Variants in EVC observed in about 807,000 individuals in gnomAD.
The protein encoded by EVC is evC complex member EVC.
EVC carries 116 observed loss-of-function variants against 118.9 expected under a neutral mutation model. The observed-to-expected ratio is 0.98, with a 90% CI of 0.84 to 1.14. The LOEUF is 1.14. EVC is among the 50% of genes most tolerant of loss of function. The probability of loss-of-function intolerance (pLI) is 0.00; values close to 1 mark genes in which losing one functional copy is unlikely to be tolerated. For missense variants in EVC, 1,401 were observed against 1,246.4 expected (o/e 1.12, Z -1.87); for synonymous variants, 619 against 534.7 (o/e 1.16, Z -2.18).
chr4:5,734,645 A>G (rs1727379618), intron 5 of EVC, among the ~76,000 whole-genome samples: 1 of 152,210 alleles, frequency 6.6e-6, no homozygotes, highest in Non-Finnish European at 1.5e-5. Flanking sequence ...CAACACAGCG[A>G]CATCCTGTCT....
At chr4:5,714,013 C>G (rs551585721) in intron 1 of EVC, among the ~76,000 whole-genome samples, 1 of 152,374 alleles carries the variant, frequency 6.6e-6, no homozygotes, top group African/African-American at 2.4e-5. Context: ...AGCCACTTGC[C>G]TCATCCTGCT....
intron 5 of EVC, among the ~76,000 whole-genome samples, chr4:5,736,964 G>T (rs368099178): frequency 1.3e-5 from 2 of 152,178 alleles, no homozygotes; most frequent in South Asian, 2.1e-4. Flanking sequence ...AGGAAGGCAG[G>T]TCTAAAGCTG....
At chr4:5,827,815 G>A in the EVC span, among the ~76,000 whole-genome samples, 1 of 152,148 alleles carries the variant, frequency 6.6e-6, no homozygotes, top group Non-Finnish European at 1.5e-5. Flanking sequence ...CCATGGGGAT[G>A]GGAGGGCCTG....
chr4:5,828,561 C>G, the EVC span: 7 of 1,614,098 alleles, frequency 4.3e-6, no homozygotes, highest in Admixed American at 8.3e-5. Context: ...GGCCCATGCC[C>G]TTGTTGACGT....
At chr4:5,717,054 A>T (rs1315351951) in intron 1 of EVC, among the ~76,000 whole-genome samples, 1 of 152,022 alleles carries the variant, frequency 6.6e-6, no homozygotes, top group African/African-American at 2.4e-5. Context: ...TTCTTTGATG[A>T]TTCTTTTCCT....
intron 12 of EVC, among the ~76,000 whole-genome samples, chr4:5,787,313 T>C (rs1257244014): frequency 6.6e-6 from 1 of 152,238 alleles, no homozygotes; most frequent in African/African-American, 2.4e-5. Flanking sequence ...AAAAGGACTT[T>C]GCAAATCTTT....
chr4:5,801,321 A>T (rs1214217845), intron 15 of EVC, among the ~76,000 whole-genome samples: 3 of 152,184 alleles, frequency 2.0e-5, no homozygotes, highest in Non-Finnish European at 4.4e-5. Flanking sequence ...TCAGGCCTGC[A>T]TTCCAGGTAG....
downstream of EVC, among the ~76,000 whole-genome samples, chr4:5,817,804 A>G (rs1211614124): frequency 6.6e-6 from 1 of 152,220 alleles, no homozygotes; most frequent in Non-Finnish European, 1.5e-5. Context: ...TCTCTTGTCC[A>G]CTGTCTATGA....
chr4:5,796,199 CA>C (rs1374363864), intron 13 of EVC, among the ~76,000 whole-genome samples: 1 of 151,826 alleles, frequency 6.6e-6, no homozygotes, highest in Non-Finnish European at 1.5e-5. Flanking sequence ...TTCGTCTTAT[CA>C]TTTAATTTCT....
intron 2 of EVC, among the ~76,000 whole-genome samples, chr4:5,723,971 A>C (rs1323498322): frequency 6.6e-6 from 1 of 152,216 alleles, no homozygotes; most frequent in Admixed American, 6.5e-5. Flanking sequence ...CCCTCAGGTC[A>C]GAGGGAGGCC....
the EVC span, chr4:5,824,833 G>T: frequency 5.1e-6 from 5 of 985,366 alleles, no homozygotes; most frequent in Non-Finnish European, 4.8e-6. Context: ...TTCTCAACGT[G>T]TGCGTGCCTG....
rs899057439 is a variant in EVC at position 5,789,631 on chromosome 4, C to A, written c.1777-3977C>A. On this transcript the variant is annotated intron_variant, in intron 12 of 20. Transcript: ENST00000264956. The surrounding 1 kb of genome is among the most constrained non-coding windows in gnomAD (Gnocchi z 4.3). ...AGTTTGAAACAAAGAGTAAAACTTA[C>A]TTGAGGCCACAAAATGACCTGGTAG... 6.6e-6 allele frequency among the ~76,000 whole-genome samples: 1 copy of A among 152,166 alleles called. No individual in the cohort carries two copies. The highest frequency in any genetic ancestry group is 2.4e-5 in the African/African-American group (1 of 41,446).
At chr4:5,824,466 C>T in the EVC span, 1 of 985,250 alleles carries the variant, frequency 1.0e-6, no homozygotes, top group Non-Finnish European at 1.2e-6. Context: ...ACCACACAAT[C>T]TGAATTCACA....
intron 11 of EVC, among the ~76,000 whole-genome samples, chr4:5,768,649 G>C (rs1367801580): frequency 6.6e-6 from 1 of 152,016 alleles, no homozygotes; most frequent in Non-Finnish European, 1.5e-5. Flanking sequence ...TTGAGGTCAA[G>C]AGTTCAAGAC....
chr4:5,719,491 T>C lies in EVC; in HGVS notation c.300+118T>C. 1 of 1,462,640 alleles carries C rather than the reference T, an allele frequency of 6.8e-7. No individual in the cohort carries two copies. The highest frequency in any genetic ancestry group is 9.5e-7 in the Non-Finnish European group (1 of 1,048,940). The allele number at this position is 1,462,640 out of a possible 1,614,324, so 90.6% of individuals were successfully genotyped here. A position where few individuals can be genotyped will look rare whatever the true frequency, so the allele number is the denominator to read the frequency against. ...CAGATATAGTTTCCCAATGGGCTGC[T>C]TTTCTGAGGCATAATTTACATACAG... is the stretch of plus-strand genomic sequence containing the variant. On this transcript the variant is annotated intron_variant, in intron 2 of 20. Coordinates refer to ENST00000264956, the MANE Select transcript of EVC (RefSeq NM_153717.3). This position sits in a 1 kb window ranked among gnomAD's most constrained non-coding sequence, Gnocchi z 4.7.
At chr4:5,775,183 T>C (rs1221550840) in intron 11 of EVC, among the ~76,000 whole-genome samples, 2 of 152,118 alleles carry the variant, frequency 1.3e-5, no homozygotes, top group African/African-American at 4.8e-5. Flanking sequence ...TGGCAGAAAA[T>C]TGGGATTCTC....
At chr4:5,740,696 A>G (rs745646150) in intron 5 of EVC, among the ~76,000 whole-genome samples, 1 of 152,212 alleles carries the variant, frequency 6.6e-6, no homozygotes, top group African/African-American at 2.4e-5. Flanking sequence ...GATGTCCACC[A>G]AAGGACTAGT....
intron 4 of EVC, among the ~76,000 whole-genome samples, chr4:5,732,157 C>A (rs1461596495): frequency 6.6e-6 from 1 of 152,220 alleles, no homozygotes; most frequent in Non-Finnish European, 1.5e-5. Context: ...AGAGAGGCTG[C>A]GTGACTTGCT....
intron 12 of EVC, among the ~76,000 whole-genome samples, chr4:5,792,358 T>C (rs1426067878): frequency 1.3e-5 from 2 of 152,226 alleles, no homozygotes; most frequent in Non-Finnish European, 2.9e-5. Context: ...TGCATGATAC[T>C]AAGATCTGAT....
Sources: allele counts gnomAD v4.1 joint callset (sites outside exome capture counted in the v4.1 genomes callset), GRCh38; gene constraint gnomAD v4.1.1; non-coding constraint Gnocchi (gnomAD v3.1); transcripts MANE v1.5; gene names NCBI Gene and HGNC (gene_info 2026-07-23, HGNC 2026-07-21).